The following SDK1 variants were observed in gnomAD, a reference collection of about 807,000 sequenced individuals.
SDK1 encodes sidekick cell adhesion molecule 1.
SDK1 carries 157 observed loss-of-function variants against 245.5 expected under a neutral mutation model. The ratio of observed to expected loss-of-function variants is 0.64; its 90% CI spans 0.56 to 0.73. The LOEUF (loss-of-function observed/expected upper bound fraction) is 0.73. Among genes scored for constraint, SDK1 ranks in the 30% least tolerant of loss-of-function variants. SDK1 has a pLI of 0.00. For missense variants in SDK1, 3,583 were observed against 3,002.3 expected (o/e 1.19, Z -4.52); for synonymous variants, 1,647 against 1,278.5 (o/e 1.29, Z -6.15).
At chr7:4,205,784 T>A in intron 35 of SDK1, 95 bp from the exon 36 acceptor site, 2 of 993,320 alleles carry the variant, frequency 2.0e-6, no homozygotes. Context: ...CCCAGCGGAA[T>A]TAGGGCATGC....
chr7:3,443,155 C>T (rs892856228), intron 1 of SDK1, among the ~76,000 whole-genome samples: 1 of 150,306 alleles, frequency 6.7e-6, no homozygotes. Context: ...ATTTTATGTT[C>T]TATATAGCAA....
At position 3,319,592 on chromosome 7, in the gene SDK1, T is replaced by A. The variant is rs555571616; in HGVS notation, c.298+17708T>A. ...ACATATATGTACTCTTTGATAATCTTATGTTTTTGTCCCTTGTAAGTTTCT... is the reference window on the plus strand; with the variant it reads ...ACATATATGTACTCTTTGATAATCTAATGTTTTTGTCCCTTGTAAGTTTCT... On this transcript the variant is annotated intron_variant, in intron 1 of 44. Transcript: ENST00000404826. Among the ~76,000 whole-genome samples, 13 of 152,246 alleles carry A rather than the reference T, an allele frequency of 8.5e-5. 1 individual carries two copies. The Middle Eastern group carries it at 0.01, about 120-fold the overall frequency.
intron 32 of SDK1, among the ~76,000 whole-genome samples, chr7:4,171,835 G>T (rs972484129): frequency 1.3e-5 from 2 of 152,248 alleles, no homozygotes; most frequent in African/African-American, 2.4e-5. Flanking sequence ...CTGCAAGCCC[G>T]CAGGATGGAT....
At position 4,208,186 on chromosome 7, in the gene SDK1, C is replaced by G. The variant is rs752162985; in HGVS notation, c.5302C>G (p.Leu1768Val). ...LPEPVVRLKN[L>V]TSHTKYLVSI... ...CGAGCCCGTGGTGAGGCTGAAGAAC[C>G]TGACCAGCCATACCAAGTACCTGGT... is the stretch of plus-strand genomic sequence containing the variant. The change falls in exon 37 of 45, where the codon CTG (leucine) becomes GTG (valine). Residue 1768 changes from leucine (L) to valine (V), a missense_variant. Leu to Val is a conservative substitution (Grantham distance 32). Coordinates refer to ENST00000404826, the MANE Select transcript of SDK1 (RefSeq NM_152744.4). The G allele has an allele frequency of 1.9e-6, 3 of 1,614,010 alleles. No individual in the cohort carries two copies. The Admixed American group carries it at 5.0e-5, about 27-fold the overall frequency.
intron 20 of SDK1, 57 bp from the exon 21 acceptor site, chr7:4,076,940 TC>T: frequency 6.8e-7 from 1 of 1,466,012 alleles, no homozygotes; most frequent in Non-Finnish European, 9.4e-7. Context: ...GCTGTGGAAT[TC>T]AGGTGAGCCC....
chr7:3,362,326 G>T (rs914976857), intron 1 of SDK1, among the ~76,000 whole-genome samples: 1 of 152,126 alleles, frequency 6.6e-6, no homozygotes, highest in Non-Finnish European at 1.5e-5. Flanking sequence ...TCTTTTTGAA[G>T]ACTTTTCTTG....
intron 5 of SDK1, among the ~76,000 whole-genome samples, chr7:3,867,631 G>C (rs1043690524): frequency 1.3e-5 from 2 of 152,150 alleles, no homozygotes; most frequent in Non-Finnish European, 2.9e-5. Context: ...CACAACAGCA[G>C]CATGAGAAAG....
chr7:3,833,762 G>C (rs937211538), intron 5 of SDK1, among the ~76,000 whole-genome samples: 3 of 152,184 alleles, frequency 2.0e-5, no homozygotes, highest in African/African-American at 7.2e-5. Context: ...GCAGTATTCT[G>C]AGTCTTTTGT....
Position 3,852,909 on chromosome 7 carries a change from G to C in SDK1, c.847+31326G>C, listed in dbSNP as rs181420834. Among the ~76,000 whole-genome samples, 23 of 151,990 alleles carry C rather than the reference G, an allele frequency of 1.5e-4. No homozygotes were observed. In the East Asian group the frequency reaches 4.3e-3, roughly 28 times the overall value. On this transcript the variant is annotated intron_variant, in intron 5 of 44. Transcript: ENST00000404826. The stretch of plus-strand genomic sequence containing the variant: ...ACCCACCCCCAGAGTTTTTCTGAGA[G>C]AATCATCTCATATGGGTGCAGAATG...
rs1780546546 is a variant in SDK1 at position 4,074,904 on chromosome 7, ATATATATATATATT to A, written c.3011-2092_3011-2079del. On this transcript the variant is annotated intron_variant, in intron 20 of 44. Transcript: ENST00000404826. Reference sequence around the variant, plus strand: ...TCTCTCTGTATATATATATATATATATATATATATATATTTTTTTTTTTTTTTAATAAAGTTAGG... The same window carrying A: ...TCTCTCTGTATATATATATATATATATTTTTTTTTTTTTAATAAAGTTAGG... Among the ~76,000 whole-genome samples the A allele has an allele frequency of 3.1e-5, 2 of 64,980 alleles. 1 individual carries two copies. Among genetic ancestry groups the A allele is most frequent in the African/African-American group, 2.5e-4 (2 of 8,034 alleles). 42.6% of individuals were successfully genotyped at this position (64,980 alleles called of 152,430 possible). A position where few individuals can be genotyped will look rare whatever the true frequency, so the allele number is the denominator to read the frequency against.
At position 3,572,544 on chromosome 7, in the gene SDK1, A is replaced by C. The variant is rs77676906; in HGVS notation, c.299-46536A>C. Among the ~76,000 whole-genome samples the C allele has an allele frequency of 8.0e-4, 121 of 152,194 alleles. 1 individual carries two copies. Among genetic ancestry groups the C allele is most frequent in the Non-Finnish European group, 1.5e-3 (100 of 67,976 alleles). On this transcript the variant is annotated intron_variant, in intron 1 of 44. Transcript: ENST00000404826. ...GAAAGAGCAAAGATTAAGTGAGCCC[A>C]ACATAAGAGTGCCTAGCAAATCGTC... is the stretch of plus-strand genomic sequence containing the variant.
chr7:3,907,379 G>A (rs1033877305), intron 5 of SDK1, among the ~76,000 whole-genome samples: 1 of 152,060 alleles, frequency 6.6e-6, no homozygotes, highest in Non-Finnish European at 1.5e-5. Flanking sequence ...TCGTCCTTTT[G>A]TGTCTGGCTT....
intron 4 of SDK1, among the ~76,000 whole-genome samples, chr7:3,737,041 C>G (rs1222385836): frequency 5.3e-5 from 8 of 152,218 alleles, no homozygotes; most frequent in African/African-American, 1.2e-4. Flanking sequence ...CTGTCTGATT[C>G]CACTCAGGAG....
intron 35 of SDK1, among the ~76,000 whole-genome samples, chr7:4,203,611 C>T (rs550446891): frequency 3.3e-5 from 5 of 151,822 alleles, no homozygotes; most frequent in Admixed American, 6.5e-5. Flanking sequence ...AAAAAACGAA[C>T]GACAATCAGA....
chr7:4,182,631 G>C (rs1782664103), intron 35 of SDK1, among the ~76,000 whole-genome samples: 1 of 152,190 alleles, frequency 6.6e-6, no homozygotes, highest in South Asian at 2.1e-4. Context: ...AGAGGAGGGA[G>C]AAGGAACCTA....
intron 4 of SDK1, among the ~76,000 whole-genome samples, chr7:3,664,674 A>T (rs555410465): frequency 6.6e-6 from 1 of 150,516 alleles, no homozygotes; most frequent in African/African-American, 2.5e-5. Context: ...CAGGAGGCAG[A>T]GGTTGCAGTG....
intron 4 of SDK1, among the ~76,000 whole-genome samples, chr7:3,665,550 A>G (rs1416802827): frequency 1.3e-5 from 2 of 152,190 alleles, no homozygotes; most frequent in Non-Finnish European, 2.9e-5. Flanking sequence ...GGTTGAATGA[A>G]TGGAGCTTTG....
intron 1 of SDK1, among the ~76,000 whole-genome samples, chr7:3,536,945 C>G (rs1259940246): frequency 6.6e-6 from 1 of 152,052 alleles, no homozygotes; most frequent in Non-Finnish European, 1.5e-5. Context: ...ACTATTAAAT[C>G]ACACATCATT....
intron 5 of SDK1, among the ~76,000 whole-genome samples, chr7:3,838,695 T>A (rs1719092821): frequency 6.6e-6 from 1 of 152,206 alleles, no homozygotes; most frequent in African/African-American, 2.4e-5. Flanking sequence ...GCTGATGGGA[T>A]GCTGCTCTCA....
Sources: allele counts gnomAD v4.1 joint callset (sites outside exome capture counted in the v4.1 genomes callset), GRCh38; gene constraint gnomAD v4.1.1; transcripts MANE v1.5; gene names NCBI Gene and HGNC (gene_info 2026-07-23, HGNC 2026-07-21).